The following PTPRN2 variants were observed in gnomAD, a reference collection of about 807,000 sequenced individuals.
The protein encoded by PTPRN2 is protein tyrosine phosphatase receptor type N2.
Under a neutral mutation model 118.8 loss-of-function variants are expected in PTPRN2, and 74 were observed. The observed-to-expected ratio is 0.62, with a 90% confidence interval of 0.52 to 0.76. The LOEUF is 0.76. PTPRN2 is among the 30% of genes least tolerant of loss of function. PTPRN2 has a pLI of 0.00. For synonymous variants in PTPRN2, 641 were observed against 608.0 expected, an observed-to-expected ratio of 1.05 and a Z score of -0.80; for missense variants, 1,481 against 1,394.4, an observed-to-expected ratio of 1.06 and a Z score of -0.99.
chr7:158,468,682 C>G (rs1358556662), intron 2 of PTPRN2, among the ~76,000 whole-genome samples: 1 of 152,184 alleles, frequency 6.6e-6, no homozygotes. Context: ...CAGGGCAAGA[C>G]AAGCCCAAGC....
At chr7:157,546,115 C>T (rs564252248) in intron 22 of PTPRN2, among the ~76,000 whole-genome samples, 68 of 152,216 alleles carry the variant, frequency 4.5e-4, no homozygotes, top group South Asian at 1.7e-3. Flanking sequence ...TGAACACACA[C>T]CCTGAGGAAG....
At chr7:158,296,444 G>T (rs903382920) in intron 3 of PTPRN2, among the ~76,000 whole-genome samples, 1 of 152,158 alleles carries the variant, frequency 6.6e-6, no homozygotes, top group Non-Finnish European at 1.5e-5. Context: ...GCCCATGTGC[G>T]ATCTGATTCT....
At chr7:158,123,939 C>A (rs1018573213) in intron 9 of PTPRN2, among the ~76,000 whole-genome samples, 1 of 149,526 alleles carries the variant, frequency 6.7e-6, no homozygotes, top group South Asian at 2.1e-4. Flanking sequence ...CCTCAGATCC[C>A]GTGCCGACCC....
chr7:158,395,708 G>C lies in PTPRN2; in HGVS notation c.164-78776C>G, dbSNP rs915609181. On this transcript the variant is annotated intron_variant, in intron 2 of 22. Coordinates refer to ENST00000389418, the MANE Select transcript of PTPRN2 (RefSeq NM_002847.5). ...GAGGCGCGAGGGGCGAGGGGCGAGGGGCGAGGGGCGAGGCGCGAGGGGAGA... is the reference window on the plus strand; with the variant it reads ...GAGGCGCGAGGGGCGAGGGGCGAGGCGCGAGGGGCGAGGCGCGAGGGGAGA... Among the ~76,000 whole-genome samples, 216 of 66,708 alleles carry C rather than the reference G, an allele frequency of 3.2e-3. 18 individuals are homozygous for C. The highest frequency in any genetic ancestry group is 4.6e-3 in the African/African-American group (74 of 16,016). 43.8% of individuals were successfully genotyped at this position (66,708 alleles called of 152,430 possible).
intron 3 of PTPRN2, among the ~76,000 whole-genome samples, chr7:158,237,965 C>T (rs1358065589): frequency 2.0e-5 from 3 of 152,220 alleles, no homozygotes; most frequent in African/African-American, 7.2e-5. Flanking sequence ...ACACAGGACA[C>T]AAGTGTCTGT....
chr7:157,826,979 A>C lies in PTPRN2; in HGVS notation c.1788+71694T>G, dbSNP rs1176490531. 2.0e-5 allele frequency among the ~76,000 whole-genome samples: 3 copies of C among 152,284 alleles called. No homozygotes were observed. The East Asian group carries it at 5.8e-4, about 29-fold the overall frequency. On this transcript the variant is annotated intron_variant, in intron 12 of 22. Coordinates refer to ENST00000389418, the MANE Select transcript of PTPRN2 (RefSeq NM_002847.5). ...GCACAGGACCCTCCAAATGTCTTCA[A>C]GTTGTCCTGCATCTCCGACCGTGTC... is the stretch of plus-strand genomic sequence containing the variant.
chr7:157,636,328 C>G (rs940158284), intron 14 of PTPRN2, among the ~76,000 whole-genome samples: 2 of 152,154 alleles, frequency 1.3e-5, no homozygotes, highest in African/African-American at 2.4e-5. Flanking sequence ...ATGAAAGGAA[C>G]ATTATTCATC....
chr7:158,347,337 T>C (rs890120771), intron 2 of PTPRN2, among the ~76,000 whole-genome samples: 1 of 152,218 alleles, frequency 6.6e-6, no homozygotes, highest in African/African-American at 2.4e-5. Context: ...TCTGGCACCA[T>C]TTATTGAAGA....
intron 2 of PTPRN2, among the ~76,000 whole-genome samples, chr7:158,471,582 G>A (rs2129444250): frequency 6.6e-6 from 1 of 152,254 alleles, no homozygotes; most frequent in African/African-American, 2.4e-5. Flanking sequence ...CAGCTACTAG[G>A]GAGGCTGAGG....
chr7:158,534,893 G>A (rs867622083), intron 1 of PTPRN2, among the ~76,000 whole-genome samples: 12 of 152,198 alleles, frequency 7.9e-5, no homozygotes, highest in African/African-American at 1.4e-4. Context: ...GAAACGCAGC[G>A]GGAGACAGTG....
intron 3 of PTPRN2, among the ~76,000 whole-genome samples, chr7:158,253,207 A>C (rs972334085): frequency 6.6e-6 from 1 of 152,178 alleles, no homozygotes; most frequent in African/African-American, 2.4e-5. Context: ...GGCCAGTCTC[A>C]TTTTCCAGGC....
In PTPRN2 at chr7:158,555,459, C is replaced by G. The variant is rs1826914846; in HGVS notation, c.112+32099G>C. Reference sequence around the variant, plus strand: ...CTGAAACCTCCCAACACTGACGTCACCGGGGTGGGGCAGGAGCAGGAAGAG... The same window carrying G: ...CTGAAACCTCCCAACACTGACGTCAGCGGGGTGGGGCAGGAGCAGGAAGAG... On this transcript the variant is annotated intron_variant, in intron 1 of 22. Coordinates refer to ENST00000389418, the MANE Select transcript of PTPRN2 (RefSeq NM_002847.5). This position sits in a 1 kb window ranked among gnomAD's most constrained non-coding sequence, Gnocchi z 4.7. 6.6e-6 allele frequency among the ~76,000 whole-genome samples: 1 copy of G among 152,220 alleles called. No homozygotes were observed. The highest frequency in any genetic ancestry group is 2.4e-5 in the African/African-American group (1 of 41,466).
At chr7:158,151,885 T>C (rs1821210141) in intron 6 of PTPRN2, among the ~76,000 whole-genome samples, 1 of 152,112 alleles carries the variant, frequency 6.6e-6, no homozygotes, top group Admixed American at 6.5e-5. Context: ...ATAAAAACCA[T>C]GAATGCGGCC....
intron 2 of PTPRN2, among the ~76,000 whole-genome samples, chr7:158,448,171 G>GC (rs1427981579): frequency 2.0e-5 from 3 of 152,238 alleles, no homozygotes; most frequent in African/African-American, 7.2e-5. Flanking sequence ...GCAACAACAT[G>GC]CCCCCAGCAG....
intron 11 of PTPRN2, among the ~76,000 whole-genome samples, chr7:158,026,627 G>A (rs1328366541): frequency 2.6e-5 from 4 of 152,134 alleles, no homozygotes; most frequent in South Asian, 2.1e-4. Context: ...CCTCTTCCAC[G>A]TGAGATGGTA....
intron 3 of PTPRN2, among the ~76,000 whole-genome samples, chr7:158,257,247 C>T (rs546730537): frequency 1.4e-4 from 22 of 152,292 alleles, no homozygotes; most frequent in African/African-American, 3.6e-4. Context: ...CAGTCAGACG[C>T]GGAACCCGAC....
intron 12 of PTPRN2, among the ~76,000 whole-genome samples, chr7:157,807,732 C>T (rs35001027): frequency 0.18 from 27,201 of 152,222 alleles, 2,865 homozygotes; most frequent in African/African-American, 0.28. Flanking sequence ...AGACTAGGCA[C>T]CGCCCCTGCA....
At chr7:158,200,551 CAT>C (rs1168498854) in intron 4 of PTPRN2, among the ~76,000 whole-genome samples, 2 of 152,178 alleles carry the variant, frequency 1.3e-5, no homozygotes, top group African/African-American at 4.8e-5. Flanking sequence ...AATTACACAT[CAT>C]ATATATATAA....
rs1379636612 is a variant in PTPRN2 at position 157,994,637 on chromosome 7, G to A, written c.1723+86661C>T. Among the ~76,000 whole-genome samples the A allele has an allele frequency of 7.7e-4, 94 of 122,644 alleles. 1 individual carries two copies. The highest frequency in any genetic ancestry group is 1.4e-3 in the African/African-American group (40 of 27,772). The allele number at this position is 122,644 out of a possible 152,430, so 80.5% of individuals were successfully genotyped here. The stretch of plus-strand genomic sequence containing the variant: ...ACAACTCCTGGTTCCTAAAATCAAC[G>A]CCGTGTCCCCAGCTTACAGCTCCTT... On this transcript the variant is annotated intron_variant, in intron 11 of 22. Coordinates refer to ENST00000389418, the MANE Select transcript of PTPRN2 (RefSeq NM_002847.5).
Sources: allele counts gnomAD v4.1 joint callset (sites outside exome capture counted in the v4.1 genomes callset), GRCh38; gene constraint gnomAD v4.1.1; non-coding constraint Gnocchi (gnomAD v3.1); transcripts MANE v1.5; gene names NCBI Gene and HGNC (gene_info 2026-07-23, HGNC 2026-07-21).